DDHD2: variants seen among roughly 807,000 people sequenced by gnomAD.
DDHD2 encodes the protein DDHD domain containing 2, also known as triacylglycerol hydrolase DDHD2.
In DDHD2, 62 loss-of-function variants were observed where a neutral mutation model predicts 91.2. The ratio of observed to expected loss-of-function variants is 0.68; its 90% CI spans 0.55 to 0.84. DDHD2 has a LOEUF of 0.84. DDHD2 is among the 40% of genes least tolerant of loss of function. The pLI is 0.00. For synonymous variants in DDHD2, 271 were observed against 293.9 expected (o/e 0.92, Z 0.80); for missense variants, 740 against 846.9 (o/e 0.87, Z 1.57).
intron 6 of DDHD2, among the ~76,000 whole-genome samples, chr8:38,241,474 G>A (rs191767769): frequency 2.4e-4 from 37 of 151,812 alleles, no homozygotes; most frequent in African/African-American, 8.9e-4. Flanking sequence ...AGGCTGGAGT[G>A]TAGTGGTGTA....
chr8:38,267,376 G>A, downstream of DDHD2: 1 of 1,613,674 alleles, frequency 6.2e-7, no homozygotes, highest in Middle Eastern at 1.6e-4. Context: ...AGCGGTAGAA[G>A]AAATCTGGGC....
intron 9 of DDHD2, 23 bp downstream of exon 9, chr8:38,246,323 T>C (rs1271684767): frequency 6.4e-7 from 1 of 1,571,262 alleles, no homozygotes; most frequent in African/African-American, 1.4e-5. Flanking sequence ...TTCAGCTAGG[T>C]TTTCTTGTAG....
In DDHD2 at chr8:38,234,582, G is replaced by C; in HGVS notation, c.409G>C (p.Glu137Gln). ...PYSESFSQVL[E>Q]ETYMLAVTLD... is the part of the protein sequence containing the mutation. ...CTCGGAGAGCTTCAGCCAAGTTTTA[G>C]AGGTATTCTTTTGACTCTTTTTTTA... The change falls in exon 3 of 18, where the codon GAG becomes CAG. Residue 137 changes from glutamate to glutamine, a missense_variant and splice_region_variant. Glu to Gln is a conservative substitution (Grantham distance 29). This residue lies in a region of DDHD2 where 693 missense variants were observed against 764.2 expected (regional missense o/e 0.91). Coordinates refer to ENST00000397166, the MANE Select transcript of DDHD2 (RefSeq NM_015214.3). The C allele has an allele frequency of 6.3e-7, 1 of 1,596,924 alleles. No homozygotes were observed. Among genetic ancestry groups the C allele is most frequent in the Non-Finnish European group, 8.5e-7 (1 of 1,175,702 alleles).
In DDHD2 at chr8:38,238,070, C is replaced by T; in HGVS notation, c.502-19C>T. The T allele has an allele frequency of 6.3e-7, 1 of 1,582,558 alleles. No individual in the cohort carries two copies. Among genetic ancestry groups the T allele is most frequent in the Non-Finnish European group, 8.6e-7 (1 of 1,169,002 alleles). On this transcript the variant is annotated intron_variant, in intron 4 of 17. Transcript: ENST00000397166. ...TGTATTGCAGAATATTTTTATTGCT[C>T]TGATCTGTTCTGTTTAAGCTTATGG...
Position 38,238,190 on chromosome 8 carries a change from C to G in DDHD2, c.603C>G (p.Ile201Met), listed in dbSNP as rs1430010376. Residue 201 changes from isoleucine (I) to methionine (M), a missense_variant, in exon 5 of 18, where the codon ATC becomes ATG. By Grantham distance (10) the Ile-to-Met change is conservative. Around this residue, in one of 2 missense-constraint regions of DDHD2, gnomAD observed 693 missense variants for 764.2 expected, o/e 0.91. Coordinates refer to ENST00000397166, the MANE Select transcript of DDHD2 (RefSeq NM_015214.3). Reference sequence around the variant, plus strand: ...CTGTGAAGAGAGGAGTTGAGAACATCTCTGTTGACATTCATTGTGGTAATG... The same window carrying G: ...CTGTGAAGAGAGGAGTTGAGAACATGTCTGTTGACATTCATTGTGGTAATG... The part of the protein sequence containing the change: ...PRTVKRGVEN[I>M]SVDIHCGEPL... 1.2e-6 allele frequency: 2 copies of G among 1,613,768 alleles called. No homozygotes were observed. The highest frequency in any genetic ancestry group is 1.7e-6 in the Non-Finnish European group (2 of 1,179,834).
At chr8:38,252,409 A>G in intron 13 of DDHD2, 122 bp downstream of exon 13, 2 of 1,104,056 alleles carry the variant, frequency 1.8e-6, no homozygotes, top group Non-Finnish European at 1.3e-6. Flanking sequence ...GAGACAACTT[A>G]TAATAGTATT....
chr8:38,258,676 A>C (rs984331896), intron 16 of DDHD2, among the ~76,000 whole-genome samples: 1 of 152,206 alleles, frequency 6.6e-6, no homozygotes, highest in Non-Finnish European at 1.5e-5. Flanking sequence ...GGAATTTCTT[A>C]AGCTGGGGTC....
rs993165408 is a variant in DDHD2, at chr8:38,233,756, C to T, written c.220+542C>T. ...TAGCCTGGCCAGCAATGGTGAAACC[C>T]CTTCTCTACTAAAAATACAAAAATT... is the stretch of plus-strand genomic sequence containing the variant. On this transcript the variant is annotated intron_variant, in intron 2 of 17. Transcript: ENST00000397166. 6.6e-5 allele frequency among the ~76,000 whole-genome samples: 10 copies of T among 151,844 alleles called. No individual in the cohort carries two copies. In the South Asian group the frequency reaches 1.0e-3, roughly 16 times the overall value.
At chr8:38,266,370 C>T (rs1807588982), downstream of DDHD2, 14 of 1,442,914 alleles carry the variant, frequency 9.7e-6, no homozygotes, top group Admixed American at 1.2e-4. Context: ...CTCATTCATC[C>T]CCACATAGGA....
At chr8:38,268,458 T>C (rs1808066157) in intron 1 of DDHD2, 1 of 1,569,628 alleles carries the variant, frequency 6.4e-7, no homozygotes, top group African/African-American at 1.4e-5. Flanking sequence ...AGAAATGCAA[T>C]AACCTGAATC....
intron 16 of DDHD2, among the ~76,000 whole-genome samples, chr8:38,254,647 G>A (rs1031401164): frequency 6.6e-6 from 1 of 152,092 alleles, no homozygotes; most frequent in Non-Finnish European, 1.5e-5. Flanking sequence ...TGGAATTACA[G>A]GCATGAGCCA....
chr8:38,257,823 C>T (rs1004135214), intron 16 of DDHD2, among the ~76,000 whole-genome samples: 1 of 151,834 alleles, frequency 6.6e-6, no homozygotes, highest in South Asian at 2.1e-4. Flanking sequence ...CACCACCATA[C>T]CTGGCTAATT....
At chr8:38,264,962 ATAAAG>A, downstream of DDHD2, 1 of 1,584,708 alleles carries the variant, frequency 6.3e-7, no homozygotes, top group Non-Finnish European at 8.7e-7. Context: ...AGAGGAAGGA[ATAAAG>A]TATTTTAAGA....
chr8:38,240,247 A>G (rs1290976699), intron 5 of DDHD2, 28 bp from the exon 6 acceptor site: 1 of 1,414,736 alleles, frequency 7.1e-7, no homozygotes. Flanking sequence ...ATTATACAGA[A>G]TAATTTTCTT....
In DDHD2 at chr8:38,262,397, A is replaced by G. The variant is rs780603635; in HGVS notation, c.*1824A>G. ...GATAAACCACTCTTTGTATTAAGAA[A>G]TGTTTCTTTCCTAGTGGTGAGGGGT... On this transcript the variant is annotated 3_prime_UTR_variant, in exon 18 of 18. Coordinates refer to ENST00000397166, the MANE Select transcript of DDHD2 (RefSeq NM_015214.3). 3.3e-5 allele frequency: 5 copies of G among 151,996 alleles called. No homozygotes were observed. The highest frequency in any genetic ancestry group is 7.4e-5 in the Non-Finnish European group (5 of 67,970). 9.4% of individuals were successfully genotyped at this position (151,996 alleles called of 1,614,324 possible). A position where few individuals can be genotyped will look rare whatever the true frequency, so the allele number is the denominator to read the frequency against.
downstream of DDHD2, chr8:38,265,211 A>T: frequency 3.1e-6 from 1 of 325,210 alleles, no homozygotes; most frequent in East Asian, 6.7e-5. Flanking sequence ...GGTTGCAGTG[A>T]GCCGAGATGG....
intron 7 of DDHD2, 63 bp downstream of exon 7, chr8:38,242,448 C>A: frequency 6.5e-7 from 1 of 1,538,996 alleles, no homozygotes; most frequent in Non-Finnish European, 8.8e-7. Flanking sequence ...CATTGCTATG[C>A]TTGGGGACGT....
chr8:38,256,319 T>A (rs577812337), intron 16 of DDHD2, among the ~76,000 whole-genome samples: 10 of 152,160 alleles, frequency 6.6e-5, no homozygotes, highest in Non-Finnish European at 1.3e-4. Context: ...TTATTTATTT[T>A]TTTGAGATAG....
At chr8:38,243,969 A>G (rs1341718874) in intron 7 of DDHD2, among the ~76,000 whole-genome samples, 1 of 148,866 alleles carries the variant, frequency 6.7e-6, no homozygotes, top group Admixed American at 6.7e-5. Flanking sequence ...ATGCCTGGCT[A>G]ATTTTGTATT....
Sources: gnomAD v4.1 joint callset for allele counts (sites outside exome capture counted in the v4.1 genomes callset) on GRCh38, gnomAD v4.1.1 for gene constraint, gnomAD v4.1.1 regional missense constraint, MANE v1.5 for transcripts, NCBI Gene and HGNC (gene_info 2026-07-23, HGNC 2026-07-21) for gene names.